Variants in KLF12 observed in about 807,000 individuals in gnomAD.
KLF12 encodes the protein Krueppel-like factor 12.
In KLF12, 9 loss-of-function variants were observed where a neutral mutation model predicts 37.8. The ratio of observed to expected loss-of-function variants is 0.24; its 90% confidence interval spans 0.14 to 0.42. The LOEUF (loss-of-function observed/expected upper bound fraction) is 0.42, where lower values mean the gene tolerates loss of function less well. Ranked by LOEUF, KLF12 falls within the 10% of genes least tolerant of loss-of-function variation. The probability of loss-of-function intolerance (pLI) is 1.00; values close to 1 mark genes in which losing one functional copy is unlikely to be tolerated. For missense variants in KLF12, 411 were observed against 516.0 expected, an observed-to-expected ratio of 0.80 and a Z score of 1.97; for synonymous variants, 208 against 202.1, an observed-to-expected ratio of 1.03 and a Z score of -0.25.
At chr13:73,800,813 A>T (rs1278031521) in intron 5 of KLF12, 2 of 152,138 alleles carry the variant, frequency 1.3e-5, no homozygotes, top group Non-Finnish European at 2.9e-5. Flanking sequence ...TTTTAAAACT[A>T]AACACTGGCA....
intron 3 of KLF12, among the ~76,000 whole-genome samples, chr13:73,859,810 T>C (rs1209879233): frequency 6.7e-6 from 1 of 149,636 alleles, no homozygotes; most frequent in African/African-American, 2.5e-5. Flanking sequence ...TAGGATAAAA[T>C]GGAAAAAAAA....
rs1292687965 is a variant in KLF12, at chr13:73,792,021, A to G, written c.806+21131T>C. 3.9e-5 allele frequency among the ~76,000 whole-genome samples: 6 copies of G among 152,214 alleles called. No individual in the cohort carries two copies. The East Asian group carries it at 1.2e-3, about 29-fold the overall frequency. ...CCATGTTTATAGACATGTAGTTCCT[A>G]TGTTTATATACATAGTCATATAGAC... On this transcript the variant is annotated intron_variant, in intron 5 of 7. Coordinates refer to ENST00000377669, the MANE Select transcript of KLF12 (RefSeq NM_007249.5).
chr13:73,817,194 T>C (rs895331860), intron 4 of KLF12, among the ~76,000 whole-genome samples: 1 of 151,526 alleles, frequency 6.6e-6, no homozygotes, highest in Non-Finnish European at 1.5e-5. Flanking sequence ...GGCATATGCC[T>C]GTAGTCCCAG....
chr13:73,988,143 A>G (rs1891877623), intron 2 of KLF12, among the ~76,000 whole-genome samples: 1 of 152,212 alleles, frequency 6.6e-6, no homozygotes, highest in African/African-American at 2.4e-5. Context: ...ATTTATCTTT[A>G]AGAAGAAATT....
chr13:73,785,191 C>A (rs924362618), intron 5 of KLF12, among the ~76,000 whole-genome samples: 19 of 151,464 alleles, frequency 1.3e-4, no homozygotes, highest in African/African-American at 3.9e-4. Context: ...TCACAGCTCA[C>A]TGAAGCCTCA....
At chr13:74,298,050 CGG>C in the KLF12 span, among the ~76,000 whole-genome samples, 2 of 152,110 alleles carry the variant, frequency 1.3e-5, no homozygotes, top group Non-Finnish European at 2.9e-5. Context: ...ATCGCCTGTA[CGG>C]TGTGGTCAAG....
intron 3 of KLF12, among the ~76,000 whole-genome samples, chr13:73,934,547 T>C (rs1478439742): frequency 1.3e-5 from 2 of 152,174 alleles, no homozygotes; most frequent in African/African-American, 2.4e-5. Context: ...TCTTTCTGCC[T>C]GCAATTTCTT....
intron 3 of KLF12, among the ~76,000 whole-genome samples, chr13:73,935,043 G>A (rs1566469399): frequency 6.6e-6 from 1 of 151,760 alleles, no homozygotes; most frequent in East Asian, 1.9e-4. Context: ...GCAGTGGCAC[G>A]ATCTCAACTT....
the KLF12 span, among the ~76,000 whole-genome samples, chr13:74,188,068 G>A: frequency 2.6e-5 from 4 of 152,068 alleles, no homozygotes; most frequent in African/African-American, 7.2e-5. Context: ...TAAAGGACAT[G>A]CTCTTCCTTT....
intron 5 of KLF12, among the ~76,000 whole-genome samples, chr13:73,786,168 G>A (rs2138231116): frequency 6.6e-6 from 1 of 152,298 alleles, no homozygotes; most frequent in South Asian, 2.1e-4. Flanking sequence ...AATTAGAGGT[G>A]CAACTGGTGA....
intron 5 of KLF12, among the ~76,000 whole-genome samples, chr13:73,775,317 A>G (rs1448906724): frequency 6.6e-6 from 1 of 152,150 alleles, no homozygotes; most frequent in Non-Finnish European, 1.5e-5. Flanking sequence ...TGGAATGCTG[A>G]AGAGTGGTAG....
At chr13:74,291,562 T>A in the KLF12 span, among the ~76,000 whole-genome samples, 1 of 152,092 alleles carries the variant, frequency 6.6e-6, no homozygotes, top group Admixed American at 6.5e-5. Flanking sequence ...GTTAATCCAG[T>A]CCACAGGCAG....
intron 4 of KLF12, among the ~76,000 whole-genome samples, chr13:73,842,558 T>TA (rs1884793879): frequency 6.6e-6 from 1 of 152,200 alleles, no homozygotes; most frequent in Non-Finnish European, 1.5e-5. Flanking sequence ...CTTAGACGGA[T>TA]ATGCGCATTC....
intron 1 of KLF12, among the ~76,000 whole-genome samples, chr13:74,100,631 A>C (rs1054857763): frequency 6.6e-6 from 1 of 151,834 alleles, no homozygotes; most frequent in African/African-American, 2.4e-5. Context: ...ATATATATAT[A>C]TATGTATAAA....
chr13:73,891,206 G>T (rs1887492150), intron 3 of KLF12, among the ~76,000 whole-genome samples: 1 of 151,980 alleles, frequency 6.6e-6, no homozygotes, highest in African/African-American at 2.4e-5. Context: ...TCATGAGTAT[G>T]GGTAAGTCAG....
chr13:74,070,828 T>C (rs547729887), intron 1 of KLF12, among the ~76,000 whole-genome samples: 16 of 152,136 alleles, frequency 1.1e-4, no homozygotes, highest in Admixed American at 6.5e-4. Context: ...ATTTCCCTTA[T>C]AGATAAGTAA....
intron 2 of KLF12, among the ~76,000 whole-genome samples, chr13:73,988,787 G>C: frequency 6.6e-6 from 1 of 152,184 alleles, no homozygotes; most frequent in East Asian, 1.9e-4. Context: ...AAGCTAAACT[G>C]ACTATACTGT....
At chr13:73,756,555 G>A (rs533694487) in intron 6 of KLF12, among the ~76,000 whole-genome samples, 3,300 of 152,186 alleles carry the variant, frequency 0.022, 57 homozygotes, top group African/African-American at 0.041. Flanking sequence ...AAGGCATTAC[G>A]ACCTTATGGA....
the KLF12 span, among the ~76,000 whole-genome samples, chr13:74,251,585 T>C: frequency 7.9e-5 from 12 of 152,192 alleles, no homozygotes; most frequent in Non-Finnish European, 1.5e-4. Context: ...CTTGCCACCT[T>C]ACTCTCCTCC....
Sources: allele counts gnomAD v4.1 joint callset (sites outside exome capture counted in the v4.1 genomes callset), GRCh38; gene constraint gnomAD v4.1.1; transcripts MANE v1.5; gene names NCBI Gene and HGNC (gene_info 2026-07-23, HGNC 2026-07-21).